Variants in LRP1B observed in about 807,000 individuals in gnomAD.
LRP1B encodes the protein low-density lipoprotein receptor-related protein 1B.
Under a neutral mutation model 556.6 loss-of-function variants are expected in LRP1B, and 217 were observed. That is an observed-to-expected ratio of 0.39 (90% CI 0.35 to 0.44). LRP1B has a LOEUF of 0.44. Among genes scored for constraint, LRP1B ranks in the 20% least tolerant of loss-of-function variants. LRP1B has a pLI of 1.00. For synonymous variants in LRP1B, 2,047 were observed against 1,865.8 expected (o/e 1.10, Z -2.50); for missense variants, 5,053 against 5,620.8 (o/e 0.90, Z 3.23).
intron 3 of LRP1B, among the ~76,000 whole-genome samples, chr2:141,432,201 T>C (rs1680585941): frequency 6.6e-6 from 1 of 152,114 alleles, no homozygotes; most frequent in African/African-American, 2.4e-5. Context: ...TTTTTCTGTA[T>C]CTTTTGAAAT....
intron 83 of LRP1B, among the ~76,000 whole-genome samples, chr2:140,306,010 A>C (rs1455044581): frequency 6.7e-6 from 1 of 148,472 alleles, no homozygotes; most frequent in Non-Finnish European, 1.5e-5. Flanking sequence ...AGCCCACTTG[A>C]TCATGGTGGA....
chr2:142,037,842 G>A (rs1461225139), intron 1 of LRP1B, among the ~76,000 whole-genome samples: 2 of 151,514 alleles, frequency 1.3e-5, no homozygotes, highest in Non-Finnish European at 3.0e-5. Context: ...ATCAGAACAT[G>A]TATAAGATAA....
intron 2 of LRP1B, among the ~76,000 whole-genome samples, chr2:141,531,572 T>G (rs1258344890): frequency 6.6e-6 from 1 of 152,134 alleles, no homozygotes; most frequent in Non-Finnish European, 1.5e-5. Flanking sequence ...GTTTCAACAA[T>G]AAACCATTTC....
intron 2 of LRP1B, among the ~76,000 whole-genome samples, chr2:141,586,769 C>T (rs1370489491): frequency 6.6e-6 from 1 of 151,914 alleles, no homozygotes; most frequent in Non-Finnish European, 1.5e-5. Flanking sequence ...GGTGAAACCC[C>T]GTCTCTACTA....
chr2:140,618,100 A>C (rs1683321800), intron 41 of LRP1B, among the ~76,000 whole-genome samples: 1 of 151,438 alleles, frequency 6.6e-6, no homozygotes, highest in Non-Finnish European at 1.5e-5. Flanking sequence ...GGTTATAATA[A>C]TTGAAAAAAC....
chr2:140,325,720 C>A, intron 80 of LRP1B, 42 bp downstream of exon 80: 1 of 1,310,340 alleles, frequency 7.6e-7, no homozygotes, highest in South Asian at 1.2e-5. Flanking sequence ...ATTTAACACT[C>A]TCAGTAACAA....
chr2:141,325,699 T>A (rs1456325070), intron 3 of LRP1B, among the ~76,000 whole-genome samples: 1 of 152,080 alleles, frequency 6.6e-6, no homozygotes, highest in African/African-American at 2.4e-5. Flanking sequence ...AAAAATGACA[T>A]GAACTAGAAC....
chr2:140,749,195 G>A (rs1339804070), intron 35 of LRP1B, among the ~76,000 whole-genome samples: 2 of 152,148 alleles, frequency 1.3e-5, no homozygotes, highest in African/African-American at 4.8e-5. Flanking sequence ...AGCTAGTTGT[G>A]GGTGAGCCAG....
chr2:141,000,714 A>G (rs370750397), intron 15 of LRP1B, among the ~76,000 whole-genome samples: 27 of 152,174 alleles, frequency 1.8e-4, no homozygotes, highest in African/African-American at 6.0e-4. Context: ...TAGGAAATTG[A>G]TATATATAAC....
At chr2:141,360,402 T>C (rs974532657) in intron 3 of LRP1B, among the ~76,000 whole-genome samples, 8 of 152,250 alleles carry the variant, frequency 5.3e-5, no homozygotes, top group African/African-American at 1.9e-4. Context: ...GTATATTATA[T>C]GTGAATTGAT....
At chr2:141,918,180 C>T (rs776886621) in intron 1 of LRP1B, among the ~76,000 whole-genome samples, 2 of 151,844 alleles carry the variant, frequency 1.3e-5, no homozygotes, top group South Asian at 2.1e-4. Flanking sequence ...TGGTAGGATA[C>T]ACACCAAAAT....
intron 71 of LRP1B, among the ~76,000 whole-genome samples, chr2:140,366,763 G>T (rs2105156901): frequency 6.6e-6 from 1 of 151,838 alleles, no homozygotes; most frequent in Admixed American, 6.6e-5. Context: ...TGAATGAGAA[G>T]AAGAAGGAGG....
At chr2:141,266,334 A>G (rs1263170552) in intron 3 of LRP1B, among the ~76,000 whole-genome samples, 1 of 151,650 alleles carries the variant, frequency 6.6e-6, no homozygotes, top group Admixed American at 6.6e-5. Flanking sequence ...AAAAAAAAAA[A>G]AAAAAAAAAG....
At chr2:140,762,981 T>G (rs1274560745) in intron 35 of LRP1B, among the ~76,000 whole-genome samples, 1 of 152,140 alleles carries the variant, frequency 6.6e-6, no homozygotes, top group African/African-American at 2.4e-5. Context: ...TCATTATCAT[T>G]TAATCTGTCA....
chr2:141,308,408 A>G (rs542052937), intron 3 of LRP1B, among the ~76,000 whole-genome samples: 2 of 152,336 alleles, frequency 1.3e-5, no homozygotes, highest in South Asian at 4.1e-4. Context: ...TCTTACAAAC[A>G]AGTCATTTCT....
chr2:140,708,693 C>A (rs1029111337), intron 37 of LRP1B, among the ~76,000 whole-genome samples: 2 of 151,628 alleles, frequency 1.3e-5, no homozygotes, highest in Non-Finnish European at 1.5e-5. Context: ...TTATAATTTT[C>A]TTGAATAGTC....
chr2:142,017,493 T>A (rs1314081287), intron 1 of LRP1B, among the ~76,000 whole-genome samples: 1 of 152,180 alleles, frequency 6.6e-6, no homozygotes, highest in African/African-American at 2.4e-5. Context: ...TTGTCTTTGC[T>A]TAATCTTTCA....
chr2:140,291,318 A>ATATATATATATATTT (rs369391920), intron 84 of LRP1B, among the ~76,000 whole-genome samples: 1 of 109,334 alleles, frequency 9.1e-6, no homozygotes, highest in Non-Finnish European at 2.0e-5. Context: ...ATATATATAT[A>ATATATATATATATTT]TTTTTATTAT....
At chr2:140,788,067 T>C (rs754799154) in intron 32 of LRP1B, among the ~76,000 whole-genome samples, 4 of 152,210 alleles carry the variant, frequency 2.6e-5, no homozygotes, top group Non-Finnish European at 5.9e-5. Flanking sequence ...TGGATGATCA[T>C]GAGTAAGTTA....
Sources: allele counts gnomAD v4.1 joint callset (sites outside exome capture counted in the v4.1 genomes callset), GRCh38; gene constraint gnomAD v4.1.1; transcripts MANE v1.5; gene names NCBI Gene and HGNC (gene_info 2026-07-23, HGNC 2026-07-21).